The following FBXW2 variants were observed in gnomAD, a reference collection of about 807,000 sequenced individuals.
FBXW2 encodes F-box/WD repeat-containing protein 2.
FBXW2 carries 12 observed loss-of-function variants against 46.0 expected under a neutral mutation model. The observed-to-expected ratio is 0.26, with a 90% CI of 0.17 to 0.42. FBXW2 has a LOEUF of 0.42. Ranked by LOEUF, FBXW2 falls within the 10% of genes least tolerant of loss-of-function variation. FBXW2 has a pLI of 1.00. For missense variants in FBXW2, 360 were observed against 537.0 expected, an observed-to-expected ratio of 0.67 and a Z score of 3.26; for synonymous variants, 203 against 209.6, an observed-to-expected ratio of 0.97 and a Z score of 0.27.
chr9:120,762,293 T>A lies in FBXW2; in HGVS notation c.*2266A>T, dbSNP rs2044207490. ...AGGCGGAGGTTGCAGTGAGCCAAGA[T>A]CGTGCCATTGCACTCCAGCCTGCGC... is the stretch of plus-strand genomic sequence containing the variant. On this transcript the variant is annotated 3_prime_UTR_variant, in exon 8 of 8. Transcript: ENST00000608872. The A allele has an allele frequency of 6.6e-6, 1 of 151,712 alleles. No individual in the cohort carries two copies. The highest frequency in any genetic ancestry group is 1.5e-5 in the Non-Finnish European group (1 of 68,050). The allele number at this position is 151,712 out of a possible 1,614,324, so 9.4% of individuals were successfully genotyped here.
In FBXW2 at chr9:120,764,610, G is replaced by A. The variant is rs2044241857; in HGVS notation, c.1314C>T (p.Thr438=). 3 of 1,614,228 alleles carry A rather than the reference G, an allele frequency of 1.9e-6. No homozygotes were observed. Among genetic ancestry groups the A allele is most frequent in the Non-Finnish European group, 1.7e-6 (2 of 1,180,042 alleles). ...GGTGAATACTGTGGTCAGGCATGCT[G>A]GTGGCAAAGACCAAGCCCGTGTCAT... The part of the protein sequence containing the change: ...GHNDTGLVFA[T]SMPDHSIHLV... The change falls in exon 8 of 8, where the codon ACC becomes ACT. Residue 438 remains threonine, a synonymous_variant. Coordinates refer to ENST00000608872, the MANE Select transcript of FBXW2 (RefSeq NM_012164.4).
At chr9:120,789,455 A>C (rs575007568) in intron 2 of FBXW2, among the ~76,000 whole-genome samples, 1 of 152,384 alleles carries the variant, frequency 6.6e-6, no homozygotes, top group African/African-American at 2.4e-5. Context: ...ATTACAAAAA[A>C]TATAACCAGT....
intron 3 of FBXW2, among the ~76,000 whole-genome samples, chr9:120,780,866 C>G (rs1461763994): frequency 6.6e-6 from 1 of 151,968 alleles, no homozygotes; most frequent in Non-Finnish European, 1.5e-5. Context: ...ATAGCAAATA[C>G]AAGGAGAGGA....
chr9:120,764,575 C>T lies in FBXW2; in HGVS notation c.1349G>A (p.Trp450Ter). The part of the protein sequence containing the change: ...MPDHSIHLVL[W>*]KEHG ...CTCATGGTGTCAGCCGTGCTCCTTCCACAACACCAGGTGAATACTGTGGTC... is the reference window on the plus strand; with the variant it reads ...CTCATGGTGTCAGCCGTGCTCCTTCTACAACACCAGGTGAATACTGTGGTC... Residue 450 changes from tryptophan to a stop codon, truncating the protein, a stop_gained, in exon 8 of 8, where the codon TGG (tryptophan) becomes TAG (stop). Coordinates refer to ENST00000608872, the MANE Select transcript of FBXW2 (RefSeq NM_012164.4). LOFTEE classifies it high-confidence loss of function. The T allele has an allele frequency of 6.2e-7, 1 of 1,613,250 alleles. No individual in the cohort carries two copies. The highest frequency in any genetic ancestry group is 1.3e-5 in the African/African-American group (1 of 75,044).
chr9:120,780,647 GA>G (rs2044591689), intron 3 of FBXW2, among the ~76,000 whole-genome samples: 1 of 152,128 alleles, frequency 6.6e-6, no homozygotes, highest in Non-Finnish European at 1.5e-5. Context: ...GCTAGAGTAG[GA>G]AAGGAAATCA....
intron 3 of FBXW2, among the ~76,000 whole-genome samples, chr9:120,782,062 G>A (rs2044627160): frequency 6.6e-6 from 1 of 151,344 alleles, no homozygotes; most frequent in African/African-American, 2.4e-5. Flanking sequence ...GAGATGTTAT[G>A]ATATGGAAGA....
At chr9:120,780,707 G>T (rs553543031) in intron 3 of FBXW2, among the ~76,000 whole-genome samples, 2 of 152,276 alleles carry the variant, frequency 1.3e-5, no homozygotes, top group East Asian at 1.9e-4. Context: ...TTCAACTGGG[G>T]TCTCATTCAT....
rs1301367419 is a variant in FBXW2 at position 120,763,580 on chromosome 9, G to A, written c.*979C>T. On this transcript the variant is annotated 3_prime_UTR_variant, in exon 8 of 8. Coordinates refer to ENST00000608872, the MANE Select transcript of FBXW2 (RefSeq NM_012164.4). Reference sequence around the variant, plus strand: ...TATTCATCCTTTTCATATAATTGATGTTCTTATAGAAAACTCTGTAACAGT... The same window carrying A: ...TATTCATCCTTTTCATATAATTGATATTCTTATAGAAAACTCTGTAACAGT... 6.6e-6 allele frequency: 1 copy of A among 152,262 alleles called. No homozygotes were observed. The highest frequency in any genetic ancestry group is 2.4e-5 in the African/African-American group (1 of 41,552). 9.4% of individuals were successfully genotyped at this position (152,262 alleles called of 1,614,324 possible).
intron 3 of FBXW2, among the ~76,000 whole-genome samples, chr9:120,786,527 GT>G (rs1051626679): frequency 6.6e-6 from 1 of 152,156 alleles, no homozygotes; most frequent in Admixed American, 6.5e-5. Flanking sequence ...GTCTTAGGCA[GT>G]TTTTTTAGCA....
At position 120,764,583 on chromosome 9, in the gene FBXW2, C is replaced by T. The variant is rs780595075; in HGVS notation, c.1341G>A (p.Leu447=). 1.2e-6 allele frequency: 2 copies of T among 1,613,860 alleles called. No homozygotes were observed. Among genetic ancestry groups the T allele is most frequent in the East Asian group, 4.5e-5 (2 of 44,878 alleles). The stretch of plus-strand genomic sequence containing the variant: ...GTCAGCCGTGCTCCTTCCACAACAC[C>T]AGGTGAATACTGTGGTCAGGCATGC... The part of the protein sequence containing the change: ...ATSMPDHSIH[L]VLWKEHG Residue 447 remains leucine, a synonymous_variant, in exon 8 of 8, where the codon CTG becomes CTA. Transcript: ENST00000608872.
At chr9:120,772,421 G>C (rs1180629324) in intron 6 of FBXW2, among the ~76,000 whole-genome samples, 1 of 151,836 alleles carries the variant, frequency 6.6e-6, no homozygotes, top group Non-Finnish European at 1.5e-5. Context: ...TGAACCCAGG[G>C]GGCGGAGGTT....
intron 3 of FBXW2, among the ~76,000 whole-genome samples, chr9:120,782,402 T>A (rs1171994353): frequency 6.6e-6 from 1 of 151,010 alleles, no homozygotes; most frequent in East Asian, 2.0e-4. Flanking sequence ...GGAGGTGAGG[T>A]TGCAGTGAGC....
intron 2 of FBXW2, 115 bp from the exon 3 acceptor site, chr9:120,788,393 C>T (rs953909067): frequency 9.9e-6 from 9 of 908,422 alleles, no homozygotes; most frequent in Non-Finnish European, 1.3e-5. Flanking sequence ...CAACTTTATG[C>T]GTAGTTACAT....
rs2044229349 is a variant in FBXW2 at position 120,763,788 on chromosome 9, G to A, written c.*771C>T. The stretch of plus-strand genomic sequence containing the variant: ...GACCCAGAGAGGGTGCAGAGTTCCA[G>A]GGTAAGAGGCCCGGTCTCTAACCTT... On this transcript the variant is annotated 3_prime_UTR_variant, in exon 8 of 8. Transcript: ENST00000608872. The A allele has an allele frequency of 6.6e-6, 1 of 152,200 alleles. No individual in the cohort carries two copies. The allele number at this position is 152,200 out of a possible 1,614,324, so 9.4% of individuals were successfully genotyped here.
At chr9:120,780,192 TA>T (rs556785709) in intron 3 of FBXW2, among the ~76,000 whole-genome samples, 101 of 142,624 alleles carry the variant, frequency 7.1e-4, no homozygotes, top group Non-Finnish European at 1.4e-3. Context: ...CTGTCTCCAC[TA>T]AAAAAAATAC....
chr9:120,790,312 A>G (rs1316938201), intron 2 of FBXW2, among the ~76,000 whole-genome samples: 1 of 152,006 alleles, frequency 6.6e-6, no homozygotes, highest in Non-Finnish European at 1.5e-5. Flanking sequence ...GTGAAACCCC[A>G]TCTCTACTAA....
intron 4 of FBXW2, among the ~76,000 whole-genome samples, chr9:120,778,084 T>TGA (rs374500563): frequency 4.8e-5 from 7 of 145,930 alleles, no homozygotes; most frequent in South Asian, 4.4e-4. Flanking sequence ...AGAGAGAGAA[T>TGA]GAGAGAGAGA....
intron 3 of FBXW2, among the ~76,000 whole-genome samples, chr9:120,782,378 A>G (rs1193376355): frequency 6.6e-6 from 1 of 151,882 alleles, no homozygotes; most frequent in Non-Finnish European, 1.5e-5. Context: ...AGGCAGGATA[A>G]TCGCTTGAAC....
chr9:120,782,201 G>A (rs1443288869), intron 3 of FBXW2, among the ~76,000 whole-genome samples: 1 of 152,044 alleles, frequency 6.6e-6, no homozygotes, highest in African/African-American at 2.4e-5. Flanking sequence ...AGGCATGGTG[G>A]CTCATGCCTG....
Sources: allele counts gnomAD v4.1 joint callset (sites outside exome capture counted in the v4.1 genomes callset), GRCh38; gene constraint gnomAD v4.1.1; transcripts MANE v1.5; gene names NCBI Gene and HGNC (gene_info 2026-07-23, HGNC 2026-07-21).